RSF1: variants seen among roughly 807,000 people sequenced by gnomAD.
RSF1 encodes HBV pX-associated protein 8.
A neutral mutation model predicts 145.2 loss-of-function variants in RSF1; 13 were observed. The ratio of observed to expected loss-of-function variants is 0.09; its 90% CI spans 0.06 to 0.14. The LOEUF (loss-of-function observed/expected upper bound fraction) is 0.14. Ranked by LOEUF, RSF1 falls within the 10% of genes least tolerant of loss-of-function variation. The pLI is 1.00. For synonymous variants in RSF1, 577 were observed against 592.6 expected (o/e 0.97, Z 0.38); for missense variants, 1,517 against 1,718.2 (o/e 0.88, Z 2.07).
chr11:77,739,275 T>A (rs1961447489), intron 4 of RSF1: 3 of 152,566 alleles, frequency 2.0e-5, no homozygotes, highest in South Asian at 2.1e-4. Context: ...GACTGATCAA[T>A]AGTAATCGTT....
chr11:77,739,735 C>T (rs937246741), intron 4 of RSF1, among the ~76,000 whole-genome samples: 9 of 152,066 alleles, frequency 5.9e-5, no homozygotes, highest in South Asian at 2.1e-4. Context: ...AATAGGACCC[C>T]GATATCTTCC....
chr11:77,714,852 A>G (rs1960769386), intron 5 of RSF1, among the ~76,000 whole-genome samples: 2 of 152,092 alleles, frequency 1.3e-5, no homozygotes, highest in South Asian at 4.1e-4. Context: ...TAAAAAAAAA[A>G]AAGGCTTACT....
chr11:77,779,180 G>A (rs1397874444), intron 1 of RSF1, among the ~76,000 whole-genome samples: 1 of 151,510 alleles, frequency 6.6e-6, no homozygotes, highest in Non-Finnish European at 1.5e-5. Flanking sequence ...CTGACCTCAG[G>A]TGATCCACCC....
intron 2 of RSF1, among the ~76,000 whole-genome samples, chr11:77,761,084 T>C (rs1488292709): frequency 5.9e-5 from 9 of 151,914 alleles, no homozygotes; most frequent in Non-Finnish European, 1.2e-4. Flanking sequence ...AGCTGGGCGC[T>C]TGCCACCACG....
chr11:77,810,305 A>C (rs1948717799), intron 1 of RSF1, among the ~76,000 whole-genome samples: 1 of 152,176 alleles, frequency 6.6e-6, no homozygotes, highest in Non-Finnish European at 1.5e-5. Context: ...CATGGCTCCC[A>C]TCCTGGCATT....
chr11:77,869,979 C>T, the RSF1 span: 7 of 574,982 alleles, frequency 1.2e-5, no homozygotes, highest in African/African-American at 3.7e-5. Context: ...GCCTCATCAG[C>T]GTTGGGCTCT....
chr11:77,813,360 C>A, intron 1 of RSF1: 1 of 973,430 alleles, frequency 1.0e-6, no homozygotes, highest in South Asian at 1.3e-5. Context: ...ACTCCCGGCT[C>A]AAACTGATGG....
At chr11:77,820,444 C>T in intron 1 of RSF1, 84 bp downstream of exon 1, 1 of 1,402,468 alleles carries the variant, frequency 7.1e-7, no homozygotes, top group South Asian at 1.4e-5. Flanking sequence ...GCCCGAGCCG[C>T]GAAGAACCGG....
chr11:77,789,195 TG>T (rs1948491558), intron 1 of RSF1, among the ~76,000 whole-genome samples: 1 of 152,106 alleles, frequency 6.6e-6, no homozygotes, highest in Non-Finnish European at 1.5e-5. Context: ...GTTCCCACCG[TG>T]GATTTCTGCA....
rs145480178 is a variant in RSF1, at chr11:77,725,596, G to A, written c.682C>T (p.Pro228Ser). ...SQQDNSSRES[P>S]SLEDEETKKE... is the part of the protein sequence containing the mutation. Reference sequence around the variant, plus strand: ...TTAGTCTCCTCATCCTCTAAGCTGGGACTTTCCCGAGAAGAGTTGTCTTGT... The same window carrying A: ...TTAGTCTCCTCATCCTCTAAGCTGGAACTTTCCCGAGAAGAGTTGTCTTGT... Residue 228 changes from proline (P) to serine (S), a missense_variant, in exon 5 of 16, where the codon CCC becomes TCC. Physicochemically the swap from Pro to Ser is moderately conservative, Grantham distance 74. Transcript: ENST00000308488. 7.5e-4 allele frequency: 1,199 copies of A among 1,608,598 alleles called. 2 individuals are homozygous for A. The highest frequency in any genetic ancestry group is 9.4e-4 in the Non-Finnish European group (1,108 of 1,176,986).
intron 1 of RSF1, among the ~76,000 whole-genome samples, chr11:77,783,209 C>G (rs1320925547): frequency 1.3e-5 from 2 of 152,178 alleles, no homozygotes; most frequent in Admixed American, 6.5e-5. Context: ...TTGTTCTCAT[C>G]CTTAGTACTA....
intron 11 of RSF1, among the ~76,000 whole-genome samples, chr11:77,682,495 G>A (rs17135805): frequency 0.037 from 5,692 of 152,260 alleles, 344 homozygotes; most frequent in African/African-American, 0.13. Context: ...CTGGAAGATA[G>A]GGTTTTAGAA....
At chr11:77,739,696 G>A (rs1456360725) in intron 4 of RSF1, 3 of 152,090 alleles carry the variant, frequency 2.0e-5, no homozygotes, top group East Asian at 1.9e-4. Context: ...ATAAGCTAGC[G>A]GTTAGATAGC....
Position 77,760,769 on chromosome 11 carries a change from A to C in RSF1, c.279+3829T>G, listed in dbSNP as rs1181924240. 2.6e-5 allele frequency among the ~76,000 whole-genome samples: 4 copies of C among 152,300 alleles called. No homozygotes were observed. The East Asian group carries it at 7.7e-4, about 29-fold the overall frequency. ...CTTTCTGAAATTGCTGTTTAGATCA[A>C]GGCCATCTATTGCCAAATTTATTCA... On this transcript the variant is annotated intron_variant, in intron 2 of 15. Transcript: ENST00000308488.
intron 4 of RSF1, chr11:77,734,413 T>C (rs1367040528): frequency 3.5e-5 from 39 of 1,098,816 alleles, no homozygotes; most frequent in Non-Finnish European, 5.2e-5. Flanking sequence ...AACCCCAACA[T>C]GCATGCACTG....
intron 9 of RSF1, among the ~76,000 whole-genome samples, chr11:77,688,827 T>C (rs1238568301): frequency 6.6e-6 from 1 of 152,152 alleles, no homozygotes; most frequent in African/African-American, 2.4e-5. Flanking sequence ...CCTAGTCAAT[T>C]TGAGAGATTA....
At chr11:77,729,937 G>C (rs901195446) in intron 4 of RSF1, among the ~76,000 whole-genome samples, 14 of 89,810 alleles carry the variant, frequency 1.6e-4, no homozygotes, top group African/African-American at 4.5e-4. Context: ...TGGAGGCCAA[G>C]AAAACTGAAG....
the RSF1 span, among the ~76,000 whole-genome samples, chr11:77,837,633 ACCATGTTGGCC>A: frequency 2.0e-5 from 3 of 152,020 alleles, no homozygotes; most frequent in Non-Finnish European, 4.4e-5. Flanking sequence ...ACAGGGTTTC[ACCATGTTGGCC>A]AGGCTGGTCT....
chr11:77,852,149 G>A, the RSF1 span, among the ~76,000 whole-genome samples: 1 of 140,892 alleles, frequency 7.1e-6, no homozygotes, highest in Non-Finnish European at 1.5e-5. Flanking sequence ...CGAGATGGGA[G>A]GATCACTTGT....
Sources: gnomAD v4.1 joint callset for allele counts (sites outside exome capture counted in the v4.1 genomes callset) on GRCh38, gnomAD v4.1.1 for gene constraint, MANE v1.5 for transcripts, NCBI Gene and HGNC (gene_info 2026-07-23, HGNC 2026-07-21) for gene names.